The following ARHGAP22 variants were observed in gnomAD, a reference collection of about 807,000 sequenced individuals.
The protein encoded by ARHGAP22 is rho GTPase-activating protein 22.
A neutral mutation model predicts 59.1 loss-of-function variants in ARHGAP22; 48 were observed. The ratio of observed to expected loss-of-function variants is 0.81; its 90% confidence interval spans 0.64 to 1.03. ARHGAP22 has a LOEUF of 1.03. Ranked by LOEUF, ARHGAP22 falls within the 50% of genes least tolerant of loss-of-function variation. The probability of loss-of-function intolerance (pLI) is 0.00; values close to 1 mark genes in which losing one functional copy is unlikely to be tolerated. For synonymous variants in ARHGAP22, 445 were observed against 416.4 expected, an observed-to-expected ratio of 1.07 and a Z score of -0.84; for missense variants, 1,015 against 958.7, an observed-to-expected ratio of 1.06 and a Z score of -0.78.
chr10:48,605,892 G>A (rs2060652613), upstream of ARHGAP22, among the ~76,000 whole-genome samples: 2 of 152,296 alleles, frequency 1.3e-5, no homozygotes, highest in South Asian at 4.1e-4. Context: ...AGCAGGGCGG[G>A]CACCAGAACC....
At chr10:48,550,772 T>C (rs755301410) in intron 3 of ARHGAP22, among the ~76,000 whole-genome samples, 5 of 152,218 alleles carry the variant, frequency 3.3e-5, no homozygotes, top group East Asian at 3.8e-4. Flanking sequence ...ACAAAAAAGC[T>C]AAGCTCACTG....
At chr10:48,637,770 G>T (rs542716744) in intron 1 of ARHGAP22, among the ~76,000 whole-genome samples, 4 of 152,252 alleles carry the variant, frequency 2.6e-5, no homozygotes, top group African/African-American at 9.6e-5. Flanking sequence ...TGCTGGAAGG[G>T]TCAGTAAGAA....
At position 48,620,426 on chromosome 10, in the gene ARHGAP22, C is replaced by T. The variant is rs541487482; in HGVS notation, c.52+31808G>A. On this transcript the variant is annotated intron_variant, in intron 1 of 9. Coordinates refer to the ARHGAP22 transcript ENST00000435790. ...CTCGAGTCACTCAGATCAAGAGTGA[C>T]GGAGCCAGGAGTCACACTCATATCT... 1.5e-4 allele frequency among the ~76,000 whole-genome samples: 23 copies of T among 152,262 alleles called. No homozygotes were observed. In the East Asian group the frequency reaches 2.3e-3, roughly 15 times the overall value.
chr10:48,468,505 C>T (rs889804659), intron 4 of ARHGAP22, among the ~76,000 whole-genome samples: 8 of 152,134 alleles, frequency 5.3e-5, no homozygotes, highest in African/African-American at 1.4e-4. Context: ...ACTGCTTCTC[C>T]CCATGTCCTA....
At chr10:48,555,434 C>T in intron 3 of ARHGAP22, 29 bp downstream of exon 3, 5 of 1,606,686 alleles carry the variant, frequency 3.1e-6, no homozygotes, top group Non-Finnish European at 4.3e-6. Flanking sequence ...CCCACCAGGG[C>T]TGCAGAGCTG....
At position 48,450,389 on chromosome 10, in the gene ARHGAP22, G is replaced by C; in HGVS notation, c.1740C>G (p.Ser580Arg). 6.4e-7 allele frequency: 1 copy of C among 1,573,646 alleles called. No individual in the cohort carries two copies. Among genetic ancestry groups the C allele is most frequent in the Non-Finnish European group, 8.6e-7 (1 of 1,160,310 alleles). ...TGGGGCTGTCCGGCTCGCTGGGCTC[G>C]CTGTTGCTGGCACCCGCGCCCGCCT... ...MDEAGAGASN[S>R]EPSEPDSPTR... The change falls in exon 9 of 10, where the codon AGC (serine) becomes AGG (arginine). Residue 580 changes from serine (S) to arginine (R), a missense_variant. By Grantham distance (110) the Ser-to-Arg change is moderately radical. Transcript: ENST00000249601.
intron 1 of ARHGAP22, among the ~76,000 whole-genome samples, chr10:48,620,919 A>C (rs1565011398): frequency 6.6e-6 from 1 of 152,238 alleles, no homozygotes; most frequent in Admixed American, 6.5e-5. Context: ...CACCTTCCTC[A>C]GAGGGAGGAG....
At chr10:48,509,189 G>C (rs2134501577) in intron 3 of ARHGAP22, among the ~76,000 whole-genome samples, 1 of 152,364 alleles carries the variant, frequency 6.6e-6, no homozygotes, top group East Asian at 1.9e-4. Context: ...GGTCTCACCT[G>C]CAGAGTGCAG....
chr10:48,653,675 G>T (rs927016897), upstream of ARHGAP22, among the ~76,000 whole-genome samples: 1 of 152,220 alleles, frequency 6.6e-6, no homozygotes, highest in South Asian at 2.1e-4. Flanking sequence ...AATTTGGGTT[G>T]CAAAGGCCAG....
intron 3 of ARHGAP22, among the ~76,000 whole-genome samples, chr10:48,525,561 A>T (rs1371557710): frequency 3.3e-5 from 5 of 152,236 alleles, no homozygotes; most frequent in Non-Finnish European, 7.3e-5. Flanking sequence ...TGACAGAGCG[A>T]GATTCTGTCT....
rs139500948 is a variant in ARHGAP22 at position 48,503,266 on chromosome 10, G to A, written c.323-23502C>T. ...TGTTCAAGAGAGGGGTTGTGGGGAC[G>A]AATGGTGGCCTGGTGGCTGATGTAA... On this transcript the variant is annotated intron_variant, in intron 3 of 9. Transcript: ENST00000249601. Among the ~76,000 whole-genome samples, 12 of 152,290 alleles carry A rather than the reference G, an allele frequency of 7.9e-5. No homozygotes were observed. In the East Asian group the frequency reaches 2.3e-3, roughly 29 times the overall value.
chr10:48,612,415 G>A (rs968886924), intron 1 of ARHGAP22, among the ~76,000 whole-genome samples: 2 of 152,204 alleles, frequency 1.3e-5, no homozygotes, highest in African/African-American at 4.8e-5. Flanking sequence ...GCTCAGCTGA[G>A]CAGATGACCC....
At chr10:48,516,522 T>C (rs535809236) in intron 3 of ARHGAP22, among the ~76,000 whole-genome samples, 5 of 140,214 alleles carry the variant, frequency 3.6e-5, no homozygotes, top group Admixed American at 7.8e-5. Flanking sequence ...AGCAAGACCC[T>C]GTCTCAAAAA....
chr10:48,534,066 C>T (rs2055118799), intron 3 of ARHGAP22, among the ~76,000 whole-genome samples: 1 of 152,228 alleles, frequency 6.6e-6, no homozygotes, highest in South Asian at 2.1e-4. Context: ...ACTGGCAGTG[C>T]CCACTCCTTG....
chr10:48,451,910 TC>T (rs1287177064), intron 8 of ARHGAP22, among the ~76,000 whole-genome samples: 1 of 109,816 alleles, frequency 9.1e-6, no homozygotes, highest in East Asian at 2.7e-4. Context: ...CCTCCCCAAA[TC>T]CCCCCATACA....
In ARHGAP22 at chr10:48,451,356, A is replaced by G. The variant is rs562318726; in HGVS notation, c.989-216T>C. 120 of 739,582 alleles carry G rather than the reference A, an allele frequency of 1.6e-4. 3 individuals are homozygous for G. In the South Asian group the frequency reaches 1.7e-3, roughly 11 times the overall value. 45.8% of individuals were successfully genotyped at this position (739,582 alleles called of 1,614,324 possible). A position where few individuals can be genotyped will look rare whatever the true frequency, so the allele number is the denominator to read the frequency against. ...ATGGGGCCGCAGAACCGCCTTCCTC[A>G]GGCACAGAGCCGCAAGCAGGGAGGA... On this transcript the variant is annotated intron_variant, in intron 8 of 9. Coordinates refer to ENST00000249601, the MANE Select transcript of ARHGAP22 (RefSeq NM_021226.4).
chr10:48,463,135 C>CA (rs2047314397), intron 4 of ARHGAP22, among the ~76,000 whole-genome samples: 1 of 152,152 alleles, frequency 6.6e-6, no homozygotes, highest in Admixed American at 6.5e-5. Context: ...GCCTGAGTTC[C>CA]AAAAAAAGCA....
At chr10:48,624,763 C>G (rs1010599224) in intron 1 of ARHGAP22, among the ~76,000 whole-genome samples, 24 of 152,244 alleles carry the variant, frequency 1.6e-4, no homozygotes, top group African/African-American at 4.8e-4. Flanking sequence ...GAAAGCAGCA[C>G]AGGTTGGAGA....
intron 3 of ARHGAP22, among the ~76,000 whole-genome samples, chr10:48,500,202 C>A (rs560822959): frequency 2.0e-5 from 3 of 152,222 alleles, no homozygotes; most frequent in African/African-American, 7.2e-5. Context: ...AAATTAGCCA[C>A]GTGTGGTGGC....
Sources: gnomAD v4.1 joint callset for allele counts (sites outside exome capture counted in the v4.1 genomes callset) on GRCh38, gnomAD v4.1.1 for gene constraint, MANE v1.5 for transcripts, NCBI Gene and HGNC (gene_info 2026-07-23, HGNC 2026-07-21) for gene names.